RIMS1: variants seen among roughly 807,000 people sequenced by gnomAD.
The protein encoded by RIMS1 is regulating synaptic membrane exocytosis protein 1.
Under a neutral mutation model 214.1 loss-of-function variants are expected in RIMS1, and 83 were observed. The observed-to-expected ratio is 0.39, with a 90% confidence interval of 0.32 to 0.47. The LOEUF (loss-of-function observed/expected upper bound fraction) is 0.47, where lower values mean the gene tolerates loss of function less well. Ranked by LOEUF, RIMS1 falls within the 20% of genes least tolerant of loss-of-function variation. RIMS1 has a pLI of 0.99. For synonymous variants in RIMS1, 793 were observed against 786.8 expected (o/e 1.01, Z -0.13); for missense variants, 2,050 against 2,161.8 (o/e 0.95, Z 1.03).
chr6:71,907,916 TAAA>T (rs2150550827), intron 1 of RIMS1, among the ~76,000 whole-genome samples: 1 of 152,352 alleles, frequency 6.6e-6, no homozygotes, highest in South Asian at 2.1e-4. Flanking sequence ...GGAAATGACT[TAAA>T]AAGGATTTGG....
intron 1 of RIMS1, among the ~76,000 whole-genome samples, chr6:71,930,242 A>G (rs1242620140): frequency 6.6e-6 from 1 of 152,124 alleles, no homozygotes; most frequent in Non-Finnish European, 1.5e-5. Flanking sequence ...AAATGGTGGC[A>G]TTAAGAAAAG....
intron 6 of RIMS1, among the ~76,000 whole-genome samples, chr6:72,198,691 C>T (rs146408381): frequency 1.3e-5 from 2 of 151,894 alleles, no homozygotes; most frequent in African/African-American, 2.4e-5. Flanking sequence ...ACAATAAATA[C>T]GTGAGATAAT....
At chr6:72,069,974 T>C (rs1830216976) in intron 2 of RIMS1, among the ~76,000 whole-genome samples, 1 of 152,240 alleles carries the variant, frequency 6.6e-6, no homozygotes, top group Non-Finnish European at 1.5e-5. Flanking sequence ...GTATGACACT[T>C]AAATTATGTT....
chr6:72,328,786 A>C (rs1020665075), intron 28 of RIMS1, among the ~76,000 whole-genome samples: 1 of 151,608 alleles, frequency 6.6e-6, no homozygotes, highest in East Asian at 1.9e-4. Context: ...GAGTGATGTG[A>C]GTTTTTAGTA....
chr6:72,393,263 CTT>C (rs141117425), intron 31 of RIMS1, among the ~76,000 whole-genome samples: 31,729 of 151,996 alleles, frequency 0.21, 3,509 homozygotes, highest in South Asian at 0.29. Context: ...CTGGAGAACA[CTT>C]AAGTTAATCT....
chr6:72,022,708 T>G (rs910037665), intron 2 of RIMS1, among the ~76,000 whole-genome samples: 8 of 152,142 alleles, frequency 5.3e-5, no homozygotes, highest in Non-Finnish European at 1.0e-4. Context: ...TTTAAACTCT[T>G]TATCATTTTT....
At chr6:72,031,983 T>G (rs1246256184) in intron 2 of RIMS1, among the ~76,000 whole-genome samples, 13 of 152,144 alleles carry the variant, frequency 8.5e-5, no homozygotes, top group Admixed American at 8.5e-4. Flanking sequence ...AGTATTGGCT[T>G]TAAGAGAAAA....
At chr6:71,905,670 A>T (rs955682303) in intron 1 of RIMS1, among the ~76,000 whole-genome samples, 6 of 152,158 alleles carry the variant, frequency 3.9e-5, no homozygotes, top group African/African-American at 1.4e-4. Context: ...AAAAACTGGG[A>T]TGCCTGGGAT....
intron 12 of RIMS1, among the ~76,000 whole-genome samples, chr6:72,249,380 T>G (rs1004255964): frequency 6.6e-6 from 1 of 152,190 alleles, no homozygotes; most frequent in Admixed American, 6.5e-5. Flanking sequence ...TGTCATGAAA[T>G]CTTGGTTAAT....
chr6:71,963,697 G>A (rs1419974691), intron 1 of RIMS1, among the ~76,000 whole-genome samples: 1 of 152,020 alleles, frequency 6.6e-6, no homozygotes, highest in African/African-American at 2.4e-5. Context: ...CAAACCATAT[G>A]AACACAAATT....
In RIMS1 at chr6:72,383,713, C is replaced by CTT. The variant is rs2098536516; in HGVS notation, c.4367-6885_4367-6884insTT. Among the ~76,000 whole-genome samples the CTT allele has an allele frequency of 7.2e-5, 11 of 151,776 alleles. No individual in the cohort carries two copies. The South Asian group carries it at 2.3e-3, about 32-fold the overall frequency. ...GCTGAGAGGAGAGGATCGCTTGAGC[C>CTT]CAGGAGTTTAAGGTAACAGTAAGCT... On this transcript the variant is annotated intron_variant, in intron 29 of 33. Transcript: ENST00000521978.
At chr6:71,966,802 G>A (rs569846922) in intron 1 of RIMS1, among the ~76,000 whole-genome samples, 10 of 152,140 alleles carry the variant, frequency 6.6e-5, no homozygotes, top group African/African-American at 1.9e-4. Context: ...GATTACAGGC[G>A]TGAGCCACCA....
intron 4 of RIMS1, among the ~76,000 whole-genome samples, chr6:72,107,406 C>G (rs999990780): frequency 1.3e-5 from 2 of 152,032 alleles, no homozygotes; most frequent in African/African-American, 4.8e-5. Context: ...ACTAAAAATA[C>G]AAAAATTAAC....
chr6:72,357,826 AT>A (rs1452704950), intron 29 of RIMS1, among the ~76,000 whole-genome samples: 1 of 152,206 alleles, frequency 6.6e-6, no homozygotes, highest in African/African-American at 2.4e-5. Context: ...TGAAATTTGC[AT>A]TATTGGTAAT....
intron 2 of RIMS1, among the ~76,000 whole-genome samples, chr6:72,051,860 G>T (rs1232681969): frequency 1.3e-5 from 2 of 151,614 alleles, no homozygotes; most frequent in African/African-American, 4.9e-5. Flanking sequence ...TGCCCATTTA[G>T]CTGTTTTTTT....
intron 29 of RIMS1, among the ~76,000 whole-genome samples, chr6:72,384,399 CT>C (rs1270402267): frequency 6.6e-6 from 1 of 152,168 alleles, no homozygotes; most frequent in Non-Finnish European, 1.5e-5. Flanking sequence ...ACTGAATCTA[CT>C]CCTCTCAGTC....
At chr6:72,192,114 T>C (rs1360196835) in intron 6 of RIMS1, among the ~76,000 whole-genome samples, 1 of 152,182 alleles carries the variant, frequency 6.6e-6, no homozygotes, top group Non-Finnish European at 1.5e-5. Flanking sequence ...ACTGGGGAAA[T>C]GGCCACAGGA....
At chr6:71,938,130 A>G (rs990562932) in intron 1 of RIMS1, among the ~76,000 whole-genome samples, 7 of 152,200 alleles carry the variant, frequency 4.6e-5, no homozygotes, top group Non-Finnish European at 8.8e-5. Flanking sequence ...GTAAGTCGAA[A>G]ACCCAAGAGT....
intron 22 of RIMS1, among the ~76,000 whole-genome samples, chr6:72,266,934 A>G (rs1318298756): frequency 1.3e-5 from 2 of 152,140 alleles, no homozygotes; most frequent in Non-Finnish European, 2.9e-5. Context: ...CCTTCTTAGT[A>G]GGCTACTTAA....
Sources: allele counts gnomAD v4.1 joint callset (sites outside exome capture counted in the v4.1 genomes callset), GRCh38; gene constraint gnomAD v4.1.1; transcripts MANE v1.5; gene names NCBI Gene and HGNC (gene_info 2026-07-23, HGNC 2026-07-21).